The following GLYATL2 variants were observed in gnomAD, a reference collection of about 807,000 sequenced individuals.
GLYATL2 encodes the protein glycine-N-acyltransferase like 2.
In GLYATL2, 25 loss-of-function variants were observed where a neutral mutation model predicts 21.4. The ratio of observed to expected loss-of-function variants is 1.17; its 90% CI spans 0.85 to 1.63. The LOEUF (loss-of-function observed/expected upper bound fraction) is 1.63. Ranked by LOEUF, GLYATL2 falls within the 40% of genes most tolerant of loss-of-function variation. The probability of loss-of-function intolerance (pLI) is 0.00; values close to 1 mark genes in which losing one functional copy is unlikely to be tolerated. For missense variants in GLYATL2, 361 were observed against 343.3 expected (o/e 1.05, Z -0.41); for synonymous variants, 114 against 118.2 (o/e 0.96, Z 0.23).
At chr11:58,906,172 T>C (rs116303232), upstream of GLYATL2, among the ~76,000 whole-genome samples, 2,982 of 152,228 alleles carry the variant, frequency 0.02, 52 homozygotes, top group South Asian at 0.05. Context: ...GCAGGGGCAG[T>C]AGACAGAAGG....
At chr11:58,853,288 C>A (rs1333706373) in intron 1 of GLYATL2, among the ~76,000 whole-genome samples, 1 of 152,168 alleles carries the variant, frequency 6.6e-6, no homozygotes. Context: ...ATGGTTGGAT[C>A]TTTTTCAATA....
At chr11:58,835,969 A>G (rs1411642702) in intron 5 of GLYATL2, among the ~76,000 whole-genome samples, 1 of 152,184 alleles carries the variant, frequency 6.6e-6, no homozygotes, top group Non-Finnish European at 1.5e-5. Flanking sequence ...AATCAAATGT[A>G]TCTGTGAGTG....
chr11:58,842,519 T>TGTGTGTGTGC (rs1491170226), intron 1 of GLYATL2, among the ~76,000 whole-genome samples: 1 of 133,832 alleles, frequency 7.5e-6, no homozygotes, highest in Admixed American at 7.6e-5. Flanking sequence ...TGTGTGTGTG[T>TGTGTGTGTGC]GCGCCCTGTG....
In GLYATL2 at chr11:58,868,850, C is replaced by G. The variant is rs1434979981; in HGVS notation, n.61-30482G>C. On this transcript the variant is annotated intron_variant and non_coding_transcript_variant, in intron 1 of 4. Transcript: ENST00000533636. ...GGTGACTGTCATTTGTGGGCCCAGACAGAAGGCTCTGCTCCTCTAAATTTG... is the reference window on the plus strand; with the variant it reads ...GGTGACTGTCATTTGTGGGCCCAGAGAGAAGGCTCTGCTCCTCTAAATTTG... Among the ~76,000 whole-genome samples, 4 of 149,152 alleles carry G rather than the reference C, an allele frequency of 2.7e-5. 1 individual carries two copies. Among genetic ancestry groups the G allele is most frequent in the Non-Finnish European group, 6.0e-5 (4 of 67,212 alleles).
chr11:58,875,480 G>A (rs1284781536), intron 1 of GLYATL2, among the ~76,000 whole-genome samples: 2 of 152,178 alleles, frequency 1.3e-5, no homozygotes, highest in East Asian at 3.8e-4. Flanking sequence ...TTTAGGGCAG[G>A]CCTGGTGGTG....
In GLYATL2 at chr11:58,837,012, C is replaced by A; in HGVS notation, c.476+3G>T. 2 of 1,610,610 alleles carry A rather than the reference C, an allele frequency of 1.2e-6. No individual in the cohort carries two copies. Among genetic ancestry groups the A allele is most frequent in the South Asian group, 2.2e-5 (2 of 90,008 alleles). ...ATTTGGGAAGCAAAAGGTAAAATCT[C>A]ACTTGTTATCATCATCCACTTCAAA... On this transcript the variant is annotated splice_donor_region_variant and intron_variant, in intron 5 of 5. Transcript: ENST00000287275.
chr11:58,901,240 G>C (rs1854735076), intron 1 of GLYATL2, among the ~76,000 whole-genome samples: 1 of 152,152 alleles, frequency 6.6e-6, no homozygotes, highest in African/African-American at 2.4e-5. Flanking sequence ...GCAAATTACC[G>C]AGCCACAGTC....
At chr11:58,891,968 G>T (rs183412306) in intron 1 of GLYATL2, among the ~76,000 whole-genome samples, 1 of 152,112 alleles carries the variant, frequency 6.6e-6, no homozygotes, top group Non-Finnish European at 1.5e-5. Context: ...TCCTGTCTTT[G>T]TTCTTTATCT....
chr11:58,853,655 T>C (rs1465883795), intron 1 of GLYATL2, among the ~76,000 whole-genome samples: 1 of 152,240 alleles, frequency 6.6e-6, no homozygotes, highest in Non-Finnish European at 1.5e-5. Flanking sequence ...CTTATATTTT[T>C]TTCGTAGTGA....
intron 1 of GLYATL2, among the ~76,000 whole-genome samples, chr11:58,858,762 C>T (rs1853878086): frequency 6.6e-6 from 1 of 152,190 alleles, no homozygotes; most frequent in South Asian, 2.1e-4. Flanking sequence ...ATGTGAACTT[C>T]CGTGTCCCTG....
upstream of GLYATL2, among the ~76,000 whole-genome samples, chr11:58,845,429 C>G (rs1248154664): frequency 6.6e-6 from 1 of 152,132 alleles, no homozygotes; most frequent in Admixed American, 6.6e-5. Context: ...AATAAAACCC[C>G]AGTCTTTAAA....
At chr11:58,873,565 TCTGTTTATATA>T (rs1854166016) in intron 1 of GLYATL2, among the ~76,000 whole-genome samples, 1 of 152,220 alleles carries the variant, frequency 6.6e-6, no homozygotes, top group Admixed American at 6.5e-5. Flanking sequence ...TGTCTTTGGT[TCTGTTTATATA>T]CTGGATTACG....
At chr11:58,876,526 A>G (rs551254658) in intron 1 of GLYATL2, among the ~76,000 whole-genome samples, 5 of 152,328 alleles carry the variant, frequency 3.3e-5, no homozygotes, top group Admixed American at 6.5e-5. Flanking sequence ...CCTCAACTGC[A>G]GGTCTGTTGG....
At chr11:58,901,255 C>T (rs1854735345) in intron 1 of GLYATL2, among the ~76,000 whole-genome samples, 1 of 152,194 alleles carries the variant, frequency 6.6e-6, no homozygotes, top group African/African-American at 2.4e-5. Flanking sequence ...ACAGTCCAAC[C>T]AAAGGTATCA....
intron 1 of GLYATL2, chr11:58,892,085 G>T (rs931612091): frequency 6.6e-6 from 1 of 152,274 alleles, no homozygotes; most frequent in African/African-American, 2.4e-5. Context: ...TATTATCCAT[G>T]TGCCCAACTG....
At chr11:58,856,696 G>A (rs599275) in intron 1 of GLYATL2, among the ~76,000 whole-genome samples, 132,374 of 152,150 alleles carry the variant, frequency 0.87, 58,800 homozygotes, top group Non-Finnish European at 0.96. Context: ...GAGGCAGTCA[G>A]AACACACACA....
intron 2 of GLYATL2, 139 bp downstream of exon 2, chr11:58,839,396 T>A (rs1853503199): frequency 1.5e-5 from 7 of 477,840 alleles, no homozygotes; most frequent in Admixed American, 7.5e-5. Context: ...ATTGACTGGA[T>A]ATTGATATTA....
intron 1 of GLYATL2, among the ~76,000 whole-genome samples, chr11:58,871,348 T>C (rs1351173858): frequency 1.3e-5 from 2 of 152,126 alleles, no homozygotes; most frequent in African/African-American, 4.8e-5. Context: ...GTTTGCTACA[T>C]ATGTATACAT....
At chr11:58,857,805 A>G (rs1437543118) in intron 1 of GLYATL2, among the ~76,000 whole-genome samples, 1 of 150,430 alleles carries the variant, frequency 6.6e-6, no homozygotes, top group Non-Finnish European at 1.5e-5. Flanking sequence ...CACAGTGACC[A>G]TTCAGCATAA....
Sources: gnomAD v4.1 joint callset for allele counts (sites outside exome capture counted in the v4.1 genomes callset) on GRCh38, gnomAD v4.1.1 for gene constraint, MANE v1.5 for transcripts, NCBI Gene and HGNC (gene_info 2026-07-23, HGNC 2026-07-21) for gene names.